RNLS: variants seen among roughly 807,000 people sequenced by gnomAD.
The protein encoded by RNLS is renalase.
RNLS carries 39 observed loss-of-function variants against 39.8 expected under a neutral mutation model. That is an observed-to-expected ratio of 0.98 (90% CI 0.76 to 1.28). The LOEUF is 1.28. Ranked by LOEUF, RNLS falls within the 50% of genes most tolerant of loss-of-function variation. The pLI, the probability that RNLS is intolerant of heterozygous loss-of-function variation, is 0.00. For synonymous variants in RNLS, 147 were observed against 150.7 expected (o/e 0.98, Z 0.18); for missense variants, 410 against 413.3 (o/e 0.99, Z 0.07).
chr10:88,440,120 T>G (rs1438057442), intron 4 of RNLS, among the ~76,000 whole-genome samples: 1 of 152,222 alleles, frequency 6.6e-6, no homozygotes, highest in East Asian at 1.9e-4. Context: ...TGATAAATGT[T>G]TGTTGAGTCT....
At chr10:88,266,901 A>G in the RNLS span, among the ~76,000 whole-genome samples, 2 of 152,090 alleles carry the variant, frequency 1.3e-5, no homozygotes, top group Non-Finnish European at 2.9e-5. Flanking sequence ...AAGCTGGGCC[A>G]TTTTCTTCCT....
the RNLS span, among the ~76,000 whole-genome samples, chr10:88,179,681 A>G: frequency 2.6e-5 from 4 of 152,214 alleles, no homozygotes; most frequent in South Asian, 6.2e-4. Context: ...TTTGAACCCA[A>G]TGATTTTGGT....
At chr10:88,212,341 G>T in the RNLS span, among the ~76,000 whole-genome samples, 1 of 152,218 alleles carries the variant, frequency 6.6e-6, no homozygotes. Flanking sequence ...AGGTGTGTAT[G>T]TAATACATAT....
chr10:88,520,550 T>C (rs1846665723), intron 4 of RNLS, among the ~76,000 whole-genome samples: 1 of 152,028 alleles, frequency 6.6e-6, no homozygotes, highest in Admixed American at 6.6e-5. Context: ...GCATATTAGT[T>C]AAGAAAAGAA....
chr10:88,265,323 C>CTTTTTTTTT, the RNLS span, among the ~76,000 whole-genome samples: 19 of 59,062 alleles, frequency 3.2e-4, no homozygotes, highest in East Asian at 5.1e-4. Flanking sequence ...CAGGGTTTTT[C>CTTTTTTTTT]TTTTTTTTTT....
intron 5 of RNLS, among the ~76,000 whole-genome samples, chr10:88,330,538 C>A (rs1847035707): frequency 6.6e-6 from 1 of 151,852 alleles, no homozygotes; most frequent in Non-Finnish European, 1.5e-5. Context: ...AACTAAAATT[C>A]TTAGTAACAC....
the RNLS span, among the ~76,000 whole-genome samples, chr10:88,200,516 T>G: frequency 6.6e-6 from 1 of 152,238 alleles, no homozygotes; most frequent in African/African-American, 2.4e-5. Flanking sequence ...TTCTTACTGC[T>G]GTAGTGCTTT....
intron 4 of RNLS, among the ~76,000 whole-genome samples, chr10:88,467,296 A>T (rs1843271179): frequency 6.6e-6 from 1 of 152,134 alleles, no homozygotes; most frequent in Non-Finnish European, 1.5e-5. Context: ...GAAATTAAAA[A>T]AAATAAATAA....
the RNLS span, among the ~76,000 whole-genome samples, chr10:88,181,969 A>G: frequency 6.6e-6 from 1 of 152,186 alleles, no homozygotes; most frequent in East Asian, 1.9e-4. Flanking sequence ...TATTAGTCAA[A>G]GTGCATCAGA....
downstream of RNLS, among the ~76,000 whole-genome samples, chr10:88,273,587 GT>G: frequency 6.6e-6 from 1 of 152,240 alleles, no homozygotes; most frequent in South Asian, 2.1e-4. Context: ...TCCTGTTAGT[GT>G]TGATTTAGGT....
At chr10:88,499,130 A>C (rs1845329775) in intron 4 of RNLS, among the ~76,000 whole-genome samples, 1 of 152,168 alleles carries the variant, frequency 6.6e-6, no homozygotes, top group South Asian at 2.1e-4. Context: ...GAAGTGATTA[A>C]AAGTGTTATG....
chr10:88,493,014 G>T (rs921654007), intron 4 of RNLS, among the ~76,000 whole-genome samples: 1 of 152,074 alleles, frequency 6.6e-6, no homozygotes, highest in Admixed American at 6.6e-5. Flanking sequence ...AAACATTTGT[G>T]GATGTTACCT....
intron 6 of RNLS, among the ~76,000 whole-genome samples, chr10:88,303,296 C>T (rs1257865811): frequency 2.0e-5 from 3 of 152,182 alleles, no homozygotes; most frequent in African/African-American, 4.8e-5. Flanking sequence ...GATGGCCATG[C>T]CCCTAGGCTT....
In RNLS at chr10:88,484,853, C is replaced by G. The variant is rs552663083; in HGVS notation, c.526+88050G>C. Among the ~76,000 whole-genome samples, 12 of 152,006 alleles carry G rather than the reference C, an allele frequency of 7.9e-5. No individual in the cohort carries two copies. The East Asian group carries it at 1.7e-3, about 22-fold the overall frequency. ...ACAAGACATTTAAAGTATGGCAAAA[C>G]TTTAAAATAGTCAGTTGAGGCATTT... On this transcript the variant is annotated intron_variant, in intron 4 of 6. Transcript: ENST00000331772.
At chr10:88,566,824 AC>A (rs1849528847) in intron 4 of RNLS, among the ~76,000 whole-genome samples, 2 of 152,176 alleles carry the variant, frequency 1.3e-5, no homozygotes, top group African/African-American at 4.8e-5. Flanking sequence ...AAGGAAACTT[AC>A]CTAAATAAGA....
At chr10:88,529,714 T>G (rs1180882344) in intron 4 of RNLS, among the ~76,000 whole-genome samples, 1 of 152,230 alleles carries the variant, frequency 6.6e-6, no homozygotes. Flanking sequence ...ATTTTAATTA[T>G]GAAACATTCC....
At chr10:88,287,432 G>C (rs1843348332) in intron 6 of RNLS, among the ~76,000 whole-genome samples, 1 of 152,128 alleles carries the variant, frequency 6.6e-6, no homozygotes, top group South Asian at 2.1e-4. Context: ...ACCTGCTTTA[G>C]ATAGAATGTT....
chr10:88,565,411 G>A (rs1440839055), intron 4 of RNLS, among the ~76,000 whole-genome samples: 2 of 152,132 alleles, frequency 1.3e-5, no homozygotes, highest in Non-Finnish European at 2.9e-5. Flanking sequence ...TTCATACTGA[G>A]GTCATGTTTT....
chr10:88,407,072 A>T (rs765912992), intron 4 of RNLS, among the ~76,000 whole-genome samples: 28 of 152,094 alleles, frequency 1.8e-4, no homozygotes, highest in Admixed American at 3.3e-4. Flanking sequence ...AGGGTGAGGG[A>T]TAAAAGACTA....
Sources: allele counts gnomAD v4.1 joint callset (sites outside exome capture counted in the v4.1 genomes callset), GRCh38; gene constraint gnomAD v4.1.1; transcripts MANE v1.5; gene names NCBI Gene and HGNC (gene_info 2026-07-23, HGNC 2026-07-21).